Variants in DGKD observed in about 807,000 individuals in gnomAD.
DGKD encodes the protein DAG kinase delta.
A neutral mutation model predicts 154.4 loss-of-function variants in DGKD; 68 were observed. The ratio of observed to expected loss-of-function variants is 0.44; its 90% CI spans 0.36 to 0.54. DGKD has a LOEUF of 0.54. Ranked by LOEUF, DGKD falls within the 20% of genes least tolerant of loss-of-function variation. The pLI, the probability that DGKD is intolerant of heterozygous loss-of-function variation, is 0.00. For missense variants in DGKD, 1,343 were observed against 1,593.6 expected, an observed-to-expected ratio of 0.84 and a Z score of 2.68; for synonymous variants, 693 against 638.0, an observed-to-expected ratio of 1.09 and a Z score of -1.30.
intron 3 of DGKD, among the ~76,000 whole-genome samples, chr2:233,424,970 C>T (rs369091066): frequency 1.3e-5 from 2 of 152,148 alleles, no homozygotes; most frequent in East Asian, 1.9e-4. Flanking sequence ...AGAGATCACT[C>T]CCTGCGGTTT....
chr2:233,369,888 T>C (rs1437584656), intron 1 of DGKD, among the ~76,000 whole-genome samples: 1 of 152,164 alleles, frequency 6.6e-6, no homozygotes, highest in African/African-American at 2.4e-5. Flanking sequence ...GTAAAGGGTG[T>C]CTGCCTCCCT....
At chr2:233,424,892 C>G (rs1451785346) in intron 3 of DGKD, among the ~76,000 whole-genome samples, 1 of 152,166 alleles carries the variant, frequency 6.6e-6, no homozygotes, top group Non-Finnish European at 1.5e-5. Flanking sequence ...CAGAGTCCAC[C>G]CTCTTTTCCA....
At chr2:233,389,914 G>A (rs1439790453) in intron 2 of DGKD, among the ~76,000 whole-genome samples, 2 of 152,116 alleles carry the variant, frequency 1.3e-5, no homozygotes, top group South Asian at 2.1e-4. Context: ...ATTTGGACCT[G>A]TCTCTCTTCT....
intron 3 of DGKD, among the ~76,000 whole-genome samples, chr2:233,420,069 C>G (rs774915044): frequency 2.2e-4 from 34 of 152,280 alleles, no homozygotes; most frequent in Non-Finnish European, 3.1e-4. Context: ...ACAGTTGTGT[C>G]TGCCATGAGA....
chr2:233,394,138 T>C (rs1025149316), intron 3 of DGKD, among the ~76,000 whole-genome samples: 14 of 152,266 alleles, frequency 9.2e-5, no homozygotes, highest in Admixed American at 6.5e-5. Flanking sequence ...CTAACAGTTT[T>C]CACCTTCTCC....
At chr2:233,372,568 G>C (rs1702378737) in intron 1 of DGKD, among the ~76,000 whole-genome samples, 1 of 151,330 alleles carries the variant, frequency 6.6e-6, no homozygotes, top group African/African-American at 2.4e-5. Flanking sequence ...GTAGAACCAG[G>C]TTTGTCAAGA....
At chr2:233,356,224 C>T (rs778641091) in intron 1 of DGKD, among the ~76,000 whole-genome samples, 68 of 152,204 alleles carry the variant, frequency 4.5e-4, no homozygotes, top group South Asian at 2.1e-4. Flanking sequence ...GCTTTAGGCA[C>T]AACTGCGAAA....
At position 233,457,918 on chromosome 2, in the gene DGKD, G is replaced by A; in HGVS notation, c.2581-366G>A. On this transcript the variant is annotated intron_variant, in intron 21 of 29. Transcript: ENST00000264057. The surrounding 1 kb of genome is among the most constrained non-coding windows in gnomAD (Gnocchi z 5.5). ...TTTAAACCTTCCTTTGTACGTAATAGCGAATAGAAGTATTCAGCGCTTCCT... is the reference window on the plus strand; with the variant it reads ...TTTAAACCTTCCTTTGTACGTAATAACGAATAGAAGTATTCAGCGCTTCCT... The A allele has an allele frequency of 3.1e-6, 1 of 321,900 alleles. No homozygotes were observed. Among genetic ancestry groups the A allele is most frequent in the Non-Finnish European group, 6.0e-6 (1 of 166,230 alleles). 19.9% of individuals were successfully genotyped at this position (321,900 alleles called of 1,614,324 possible). A position where few individuals can be genotyped will look rare whatever the true frequency, so the allele number is the denominator to read the frequency against.
intron 1 of DGKD, among the ~76,000 whole-genome samples, chr2:233,359,888 C>T (rs1487516629): frequency 6.6e-6 from 1 of 152,046 alleles, no homozygotes. Flanking sequence ...GAGGAGAGGG[C>T]CAGAATACTT....
intron 1 of DGKD, among the ~76,000 whole-genome samples, chr2:233,383,704 C>G (rs1167864495): frequency 6.6e-6 from 1 of 152,226 alleles, no homozygotes; most frequent in Non-Finnish European, 1.5e-5. Context: ...GTCCCCCTCC[C>G]TCCCAAACCC....
In DGKD at chr2:233,469,358, T is replaced by C. The variant is rs2124977600; in HGVS notation, c.3556-13T>C. 1 of 1,606,456 alleles carries C rather than the reference T, an allele frequency of 6.2e-7. No homozygotes were observed. Among genetic ancestry groups the C allele is most frequent in the South Asian group, 1.1e-5 (1 of 89,350 alleles). ...TCTTCTCGGCATCCATGGCGGTGTC[T>C]TCTCTGTTGCAGGACCTGGGCGTGA... On this transcript the variant is annotated splice_polypyrimidine_tract_variant and intron_variant, in intron 29 of 29. Transcript: ENST00000264057.
intron 3 of DGKD, among the ~76,000 whole-genome samples, chr2:233,393,498 G>A (rs1347685016): frequency 6.6e-6 from 1 of 151,348 alleles, no homozygotes; most frequent in Non-Finnish European, 1.5e-5. Flanking sequence ...CACCACGCCT[G>A]GCTGATTTTT....
intron 1 of DGKD, among the ~76,000 whole-genome samples, chr2:233,381,914 A>G (rs189380237): frequency 7.9e-5 from 12 of 152,352 alleles, no homozygotes; most frequent in East Asian, 5.8e-4. Flanking sequence ...AAGTAAATAT[A>G]AAAATACTCA....
intron 1 of DGKD, among the ~76,000 whole-genome samples, chr2:233,370,573 T>A (rs559657167): frequency 7.0e-6 from 1 of 142,766 alleles, no homozygotes; most frequent in African/African-American, 2.5e-5. Flanking sequence ...ACTTCTTCTT[T>A]TTTTTTTTTT....
intron 19 of DGKD, among the ~76,000 whole-genome samples, chr2:233,455,487 T>G (rs1195923061): frequency 6.6e-6 from 1 of 152,364 alleles, no homozygotes; most frequent in East Asian, 1.9e-4. Context: ...CTCTTGTCTG[T>G]GAAACACAAG....
At chr2:233,398,390 C>T (rs746089436) in intron 3 of DGKD, among the ~76,000 whole-genome samples, 6 of 152,074 alleles carry the variant, frequency 3.9e-5, no homozygotes, top group Admixed American at 1.3e-4. Context: ...CGTGATCCGC[C>T]GGCCTCAGCC....
In DGKD at chr2:233,445,559, C is replaced by T. The variant is rs370688469; in HGVS notation, c.1195-64C>T. The T allele has an allele frequency of 1.8e-4, 271 of 1,519,738 alleles. No individual in the cohort carries two copies. In the East Asian group the frequency reaches 1.8e-3, roughly 10 times the overall value. 94.1% of individuals were successfully genotyped at this position (1,519,738 alleles called of 1,614,324 possible). ...TCACGGTGGGGGACAAGGAGGGCTG[C>T]GGGCTGGGAAGTGGCCCCTGCCCCC... is the stretch of plus-strand genomic sequence containing the variant. On this transcript the variant is annotated intron_variant, in intron 10 of 29. Transcript: ENST00000264057. The surrounding 1 kb of genome is among the most constrained non-coding windows in gnomAD (Gnocchi z 5.5).
chr2:233,460,266 C>G lies in DGKD; in HGVS notation c.2902C>G (p.Leu968Val). 1 of 1,614,000 alleles carries G rather than the reference C, an allele frequency of 6.2e-7. No homozygotes were observed. The highest frequency in any genetic ancestry group is 1.1e-5 in the South Asian group (1 of 91,080). ...GCTGCCCCGCCCTCCATCCTGTTCC[C>G]TGCACCCGGAGATGCTGTCCGAGGA... ...CELPRPPSCS[L>V]HPEMLSEEEA... The change falls in exon 24 of 30, where the codon CTG (leucine) becomes GTG (valine). Residue 968 changes from leucine to valine, a missense_variant. By Grantham distance (32) the Leu-to-Val change is conservative. Around this residue, in one of 6 missense-constraint regions of DGKD, gnomAD observed 429 missense variants for 496.3 expected, o/e 0.86. Transcript: ENST00000264057.
intron 27 of DGKD, among the ~76,000 whole-genome samples, chr2:233,466,789 T>C (rs1463629182): frequency 6.6e-6 from 1 of 152,248 alleles, no homozygotes; most frequent in Non-Finnish European, 1.5e-5. Context: ...GATACTGATA[T>C]TTATGATATT....
Sources: gnomAD v4.1 joint callset for allele counts (sites outside exome capture counted in the v4.1 genomes callset) on GRCh38, gnomAD v4.1.1 for gene constraint, gnomAD v4.1.1 regional missense constraint, Gnocchi (gnomAD v3.1) non-coding constraint, MANE v1.5 for transcripts, NCBI Gene and HGNC (gene_info 2026-07-23, HGNC 2026-07-21) for gene names.